The following ACSL6 variants were observed in gnomAD, a reference collection of about 807,000 sequenced individuals.
The protein encoded by ACSL6 is long-chain-fatty-acid--CoA ligase 6.
Under a neutral mutation model 98.2 loss-of-function variants are expected in ACSL6, and 47 were observed. That is an observed-to-expected ratio of 0.48 (90% CI 0.38 to 0.61). ACSL6 has a LOEUF of 0.61. Ranked by LOEUF, ACSL6 falls within the 20% of genes least tolerant of loss-of-function variation. The probability of loss-of-function intolerance (pLI) is 0.00; values close to 1 mark genes in which losing one functional copy is unlikely to be tolerated. For synonymous variants in ACSL6, 362 were observed against 336.9 expected, an observed-to-expected ratio of 1.07 and a Z score of -0.82; for missense variants, 761 against 913.4, an observed-to-expected ratio of 0.83 and a Z score of 2.15.
intron 3 of ACSL6, 22 bp downstream of exon 3, chr5:131,990,831 C>T (rs752318537): frequency 7.9e-7 from 1 of 1,260,352 alleles, no homozygotes; most frequent in Non-Finnish European, 1.0e-6. Flanking sequence ...CCCTCCACAC[C>T]CCCCCCCACA....
intron 17 of ACSL6, among the ~76,000 whole-genome samples, chr5:131,964,669 G>T (rs1752913365): frequency 6.6e-6 from 1 of 152,200 alleles, no homozygotes; most frequent in Non-Finnish European, 1.5e-5. Flanking sequence ...CTTGGAAGGG[G>T]CTGATGCAAG....
chr5:131,958,262 G>T (rs1024605256), intron 20 of ACSL6, among the ~76,000 whole-genome samples: 1 of 152,186 alleles, frequency 6.6e-6, no homozygotes, highest in Non-Finnish European at 1.5e-5. Context: ...CGCAGGAACT[G>T]CAGCTTAGGC....
chr5:131,997,591 C>T (rs527270370), intron 1 of ACSL6, among the ~76,000 whole-genome samples: 13 of 152,324 alleles, frequency 8.5e-5, no homozygotes, highest in Non-Finnish European at 1.0e-4. Flanking sequence ...TGCTATCTTT[C>T]GCCATGGACA....
intron 2 of ACSL6, among the ~76,000 whole-genome samples, chr5:131,991,578 G>A (rs564360327): frequency 6.6e-6 from 1 of 152,292 alleles, no homozygotes; most frequent in East Asian, 1.9e-4. Context: ...GAGGCAGGCA[G>A]CAAGTTCCTG....
At chr5:131,973,684 C>A in intron 11 of ACSL6, 1 of 291,968 alleles carries the variant, frequency 3.4e-6, no homozygotes, top group Non-Finnish European at 6.5e-6. Context: ...GTGTGCCCCC[C>A]TCACCTACTC....
At chr5:131,979,434 A>C (rs1753785206) in intron 9 of ACSL6, among the ~76,000 whole-genome samples, 1 of 152,230 alleles carries the variant, frequency 6.6e-6, no homozygotes, top group Admixed American at 6.5e-5. Flanking sequence ...TCATTGATAA[A>C]AAAAAATTCT....
At chr5:131,990,831 C>A (rs752318537) in intron 3 of ACSL6, 22 bp downstream of exon 3, 3 of 1,260,348 alleles carry the variant, frequency 2.4e-6, no homozygotes, top group Middle Eastern at 1.9e-4. Context: ...CCCTCCACAC[C>A]CCCCCCCACA....
intron 18 of ACSL6, among the ~76,000 whole-genome samples, chr5:131,962,073 G>C (rs1752740017): frequency 6.6e-6 from 1 of 151,824 alleles, no homozygotes; most frequent in African/African-American, 2.4e-5. Flanking sequence ...CAGCTATTGG[G>C]GATGGGGAGG....
chr5:131,954,094 C>A lies in ACSL6; in HGVS notation c.*140G>T, dbSNP rs183986296. 397 of 744,376 alleles carry A rather than the reference C, an allele frequency of 5.3e-4. 1 individual carries two copies. In the African/African-American group the frequency reaches 6.6e-3, roughly 12 times the overall value. The allele number at this position is 744,376 out of a possible 1,614,324, so 46.1% of individuals were successfully genotyped here. On this transcript the variant is annotated 3_prime_UTR_variant, in exon 21 of 21. Coordinates refer to ENST00000651883, the MANE Select transcript of ACSL6 (RefSeq NM_001009185.3). ...ATGATAGAGAAAATATTGTTAAAGA[C>A]CTCTTGGGACAGGAAAAGGCTCAGT...
chr5:131,976,850 C>A, intron 9 of ACSL6, 129 bp from the exon 10 acceptor site: 1 of 736,886 alleles, frequency 1.4e-6, no homozygotes, highest in Middle Eastern at 2.5e-4. Flanking sequence ...TCTTCAGCCA[C>A]CTTTAGACTT....
chr5:131,968,096 G>A (rs1392337179), intron 15 of ACSL6, 68 bp from the exon 16 acceptor site: 1 of 1,434,680 alleles, frequency 7.0e-7, no homozygotes, highest in East Asian at 2.4e-5. Flanking sequence ...GATGTTCCAA[G>A]CCCCTTAAAA....
chr5:131,997,447 C>A (rs1754847043), intron 1 of ACSL6, among the ~76,000 whole-genome samples: 1 of 152,316 alleles, frequency 6.6e-6, no homozygotes, highest in Admixed American at 6.5e-5. Flanking sequence ...CCATCCTTTC[C>A]TTCGCATTGG....
chr5:131,971,346 G>T (rs185871191), intron 14 of ACSL6, among the ~76,000 whole-genome samples: 1 of 152,320 alleles, frequency 6.6e-6, no homozygotes, highest in East Asian at 1.9e-4. Flanking sequence ...ATTTCCCAGA[G>T]TGGATAAACC....
At chr5:132,012,113 G>A, upstream of ACSL6, 1 of 657,674 alleles carries the variant, frequency 1.5e-6, no homozygotes, top group Non-Finnish European at 2.3e-6. Context: ...GCACACTCCT[G>A]TGGGCTGTTG....
chr5:131,982,269 A>G (rs1753944328), intron 9 of ACSL6: 1 of 144,810 alleles, frequency 6.9e-6, no homozygotes, highest in African/African-American at 2.6e-5. Flanking sequence ...TCAGCCTCCC[A>G]AGTAGCTGGG....
intron 1 of ACSL6, among the ~76,000 whole-genome samples, chr5:132,003,440 A>T (rs1190007325): frequency 6.6e-6 from 1 of 152,138 alleles, no homozygotes; most frequent in African/African-American, 2.4e-5. Flanking sequence ...AGCACTGGGA[A>T]CTCAGGCCTC....
In ACSL6 at chr5:131,970,197, A is replaced by T. The variant is rs758219834; in HGVS notation, c.1438T>A (p.Tyr480Asn). Residue 480 changes from tyrosine to asparagine, a missense_variant, in exon 15 of 21, where the codon TAT becomes AAT. Coordinates refer to ENST00000651883, the MANE Select transcript of ACSL6 (RefSeq NM_001009185.3). ...CACTCAGTTTGGCCATAACCTTCAT[A>T]AACCTTCAAACAAAACACAGAAGCC... is the stretch of plus-strand genomic sequence containing the variant. The part of the protein sequence containing the change: ...FLRAALGCQV[Y>N]EGYGQTECTA... 1.2e-6 allele frequency: 2 copies of T among 1,614,050 alleles called. No homozygotes were observed. Among genetic ancestry groups the T allele is most frequent in the East Asian group, 2.2e-5 (1 of 44,866 alleles).
intron 9 of ACSL6, chr5:131,983,905 C>A (rs1354416779): frequency 6.6e-6 from 1 of 152,288 alleles, no homozygotes; most frequent in Non-Finnish European, 1.5e-5. Flanking sequence ...AAGTTTTTCT[C>A]CAGATCCAAG....
At chr5:131,991,667 CT>C (rs1561803543) in intron 2 of ACSL6, among the ~76,000 whole-genome samples, 1 of 152,094 alleles carries the variant, frequency 6.6e-6, no homozygotes, top group Non-Finnish European at 1.5e-5. Flanking sequence ...AGCCAGCCTT[CT>C]CCTGCCTCCT....
Sources: gnomAD v4.1 joint callset for allele counts (sites outside exome capture counted in the v4.1 genomes callset) on GRCh38, gnomAD v4.1.1 for gene constraint, MANE v1.5 for transcripts, NCBI Gene and HGNC (gene_info 2026-07-23, HGNC 2026-07-21) for gene names.